ST3GAL5: variants seen among roughly 807,000 people sequenced by gnomAD.
The protein encoded by ST3GAL5 is lactosylceramide alpha-2,3-sialyltransferase.
Under a neutral mutation model 46.1 loss-of-function variants are expected in ST3GAL5, and 25 were observed. The observed-to-expected ratio is 0.54, with a 90% CI of 0.40 to 0.76. ST3GAL5 has a LOEUF of 0.76. Ranked by LOEUF, ST3GAL5 falls within the 30% of genes least tolerant of loss-of-function variation. The pLI is 0.00. For synonymous variants in ST3GAL5, 182 were observed against 192.7 expected (o/e 0.94, Z 0.46); for missense variants, 431 against 521.2 (o/e 0.83, Z 1.69).
chr2:85,882,367 C>T lies in ST3GAL5; in HGVS notation c.82+6457G>A, dbSNP rs188796642. Among the ~76,000 whole-genome samples, 530 of 152,244 alleles carry T rather than the reference C, an allele frequency of 3.5e-3. 3 individuals carry two copies. The highest frequency in any genetic ancestry group is 0.012 in the African/African-American group (493 of 41,548). ...TGGTAGATCCACTGACAGCTTGTAC[C>T]GTGTGCCTGGAAAAGCTGTAGACAC... On this transcript the variant is annotated intron_variant, in intron 1 of 6. Coordinates refer to ENST00000638572, the MANE Select transcript of ST3GAL5 (RefSeq NM_003896.4).
At chr2:85,867,598 G>A (rs760512038) in intron 1 of ST3GAL5, 16 of 780,874 alleles carry the variant, frequency 2.0e-5, no homozygotes, top group South Asian at 1.5e-4. Context: ...GTGTGATGGG[G>A]ACTTACGAAC....
At chr2:85,861,427 G>A in intron 2 of ST3GAL5, 135 bp from the exon 3 acceptor site, 1 of 688,906 alleles carries the variant, frequency 1.5e-6, no homozygotes, top group Non-Finnish European at 2.6e-6. Context: ...TTGACATTGG[G>A]GTGAAAGGAA....
rs1390715803 is a variant in ST3GAL5, at chr2:85,840,118, G to C, written c.*26C>G. Reference sequence around the variant, plus strand: ...AAAAACAGCTCTCAGAGTTAGAGTTGCATTTTCAACTGAGGTTTTCTGTGT... The same window carrying C: ...AAAAACAGCTCTCAGAGTTAGAGTTCCATTTTCAACTGAGGTTTTCTGTGT... On this transcript the variant is annotated 3_prime_UTR_variant, in exon 7 of 7. Transcript: ENST00000638572. 3.7e-6 allele frequency: 6 copies of C among 1,614,160 alleles called. No homozygotes were observed. Among genetic ancestry groups the C allele is most frequent in the Non-Finnish European group, 5.1e-6 (6 of 1,180,034 alleles).
intron 2 of ST3GAL5, among the ~76,000 whole-genome samples, chr2:85,862,779 G>T (rs1299438964): frequency 6.6e-6 from 1 of 152,194 alleles, no homozygotes; most frequent in Non-Finnish European, 1.5e-5. Flanking sequence ...AGTCAGTAAA[G>T]TGAGACAGAA....
chr2:85,881,523 G>GAGA (rs1223581859), intron 1 of ST3GAL5, among the ~76,000 whole-genome samples: 1 of 152,194 alleles, frequency 6.6e-6, no homozygotes, highest in African/African-American at 2.4e-5. Flanking sequence ...GGTTGAGGTG[G>GAGA]TCTCAGATGG....
At chr2:85,848,803 G>A in intron 3 of ST3GAL5, 1 of 155,878 alleles carries the variant, frequency 6.4e-6, no homozygotes, top group Non-Finnish European at 1.4e-5. Context: ...GCTGCCAAAT[G>A]GTACATTTAA....
chr2:85,867,489 AT>A, intron 1 of ST3GAL5: 1 of 741,518 alleles, frequency 1.3e-6, no homozygotes, highest in South Asian at 1.4e-5. Flanking sequence ...CCTGGGATAT[AT>A]CTATTAAAGG....
intron 4 of ST3GAL5, chr2:85,847,327 T>C: frequency 2.0e-6 from 2 of 986,660 alleles, no homozygotes; most frequent in Non-Finnish European, 2.4e-6. Flanking sequence ...GCTGTTTTAC[T>C]TGAATCTACC....
intron 1 of ST3GAL5, among the ~76,000 whole-genome samples, chr2:85,883,744 A>G (rs1307027706): frequency 6.6e-6 from 1 of 152,212 alleles, no homozygotes; most frequent in Non-Finnish European, 1.5e-5. Flanking sequence ...GGGGGCTGCA[A>G]TTTTACTCTA....
chr2:85,846,288 G>T, intron 5 of ST3GAL5, 89 bp downstream of exon 5: 1 of 1,190,678 alleles, frequency 8.4e-7, no homozygotes, highest in Non-Finnish European at 1.2e-6. Flanking sequence ...TCCGCTCTGC[G>T]TGTTTAAAAA....
chr2:85,848,112 A>G lies in ST3GAL5; in HGVS notation c.411T>C (p.Tyr137=). 2 of 1,614,208 alleles carry G rather than the reference A, an allele frequency of 1.2e-6. No homozygotes were observed. The highest frequency in any genetic ancestry group is 1.7e-6 in the Non-Finnish European group (2 of 1,180,036). The change falls in exon 4 of 7, where the codon TAT becomes TAC. Residue 137 remains tyrosine (Y), a synonymous_variant. Coordinates refer to ENST00000638572, the MANE Select transcript of ST3GAL5 (RefSeq NM_003896.4). ...TSMALLFEHR[Y]SVDLLPFVQK... ...GCACAAAAGGGAGTAAGTCCACGCTATACCTGTGCTCAAATAACAGCGCCA... is the reference window on the plus strand; with the variant it reads ...GCACAAAAGGGAGTAAGTCCACGCTGTACCTGTGCTCAAATAACAGCGCCA...
chr2:85,853,528 G>A (rs928748449), intron 3 of ST3GAL5: 2 of 167,978 alleles, frequency 1.2e-5, no homozygotes, highest in Admixed American at 5.6e-5. Flanking sequence ...ATTTGTCCAC[G>A]TGCTCTTGTG....
intron 1 of ST3GAL5, among the ~76,000 whole-genome samples, chr2:85,871,038 CTT>C (rs35268429): frequency 3.9e-4 from 54 of 137,680 alleles, no homozygotes; most frequent in Non-Finnish European, 3.3e-4. Context: ...AACCATTTAT[CTT>C]TTTTTTTTTT....
intron 5 of ST3GAL5, 140 bp from the exon 6 acceptor site, chr2:85,844,694 T>G (rs1682562495): frequency 3.4e-6 from 4 of 1,172,382 alleles, no homozygotes; most frequent in South Asian, 1.3e-5. Context: ...TCCTATAGAT[T>G]GCAAAAGCTA....
intron 6 of ST3GAL5, among the ~76,000 whole-genome samples, chr2:85,840,942 C>CAAAAAAAAAAAA (rs1272089535): frequency 4.1e-5 from 1 of 24,178 alleles, no homozygotes; most frequent in Non-Finnish European, 8.5e-5. Flanking sequence ...GACTCTGTCT[C>CAAAAAAAAAAAA]AAAAAAAAAA....
Position 85,848,404 on chromosome 2 carries a change from A to C in ST3GAL5, c.319-200T>G, listed in dbSNP as rs968730671. On this transcript the variant is annotated intron_variant, in intron 3 of 6. Transcript: ENST00000638572. ...AACCTGGGAGAATCACATGACAAGGAGATAAACACAGCAGGGTATTCATTT... is the reference window on the plus strand; with the variant it reads ...AACCTGGGAGAATCACATGACAAGGCGATAAACACAGCAGGGTATTCATTT... The C allele has an allele frequency of 2.0e-6, 3 of 1,535,076 alleles. No individual in the cohort carries two copies. In the African/African-American group the frequency reaches 4.1e-5, roughly 21 times the overall value.
chr2:85,880,801 G>C, intron 1 of ST3GAL5: 1 of 487,390 alleles, frequency 2.1e-6, no homozygotes, highest in Non-Finnish European at 4.0e-6. Context: ...TCCAGCCTGG[G>C]TGACAGACCA....
At chr2:85,856,622 T>G (rs1335979505) in intron 3 of ST3GAL5, among the ~76,000 whole-genome samples, 2 of 151,804 alleles carry the variant, frequency 1.3e-5, no homozygotes, top group Non-Finnish European at 2.9e-5. Context: ...TGGGCTGGAG[T>G]GCAGTGGCAT....
intron 3 of ST3GAL5, chr2:85,849,855 A>AGT (rs3046619): frequency 0.047 from 6,936 of 147,202 alleles, 430 homozygotes; most frequent in African/African-American, 0.14. Context: ...CACAGGCAGA[A>AGT]GTGTGTGTGT....
Sources: allele counts gnomAD v4.1 joint callset (sites outside exome capture counted in the v4.1 genomes callset), GRCh38; gene constraint gnomAD v4.1.1; transcripts MANE v1.5; gene names NCBI Gene and HGNC (gene_info 2026-07-23, HGNC 2026-07-21).